Variants in CDKL5 observed in about 807,000 individuals in gnomAD.
CDKL5 encodes cyclin dependent kinase like 5, also known as cyclin-dependent kinase-like 5.
CDKL5 carries 8 observed loss-of-function variants against 61.7 expected under a neutral mutation model. That is an observed-to-expected ratio of 0.13 (90% CI 0.08 to 0.23). CDKL5 has a LOEUF of 0.23. Ranked by LOEUF, CDKL5 falls within the 10% of genes least tolerant of loss-of-function variation. The probability of loss-of-function intolerance (pLI) is 1.00; values close to 1 mark genes in which losing one functional copy is unlikely to be tolerated. For missense variants in CDKL5, 440 were observed against 734.5 expected (o/e 0.60, Z 4.63); for synonymous variants, 275 against 272.3 (o/e 1.01, Z -0.10).
chrX:18,570,237 A>T (rs1169546557), intron 4 of CDKL5, among the ~76,000 whole-genome samples: 2 of 112,009 alleles, frequency 1.8e-5, no homozygotes, highest in Non-Finnish European at 1.9e-5. Context: ...AAATAATTTG[A>T]TTAACTGAGC....
chrX:18,481,828 T>C (rs754137174), intron 1 of CDKL5, among the ~76,000 whole-genome samples: 7 of 110,983 alleles, frequency 6.3e-5, no homozygotes, highest in Non-Finnish European at 1.3e-4. Context: ...GGTGCTGCCC[T>C]ATAAATGAGG....
Position 18,497,777 on chromosome X carries a change from G to C in CDKL5, c.-162-9158G>C, listed in dbSNP as rs776564395. On this transcript the variant is annotated intron_variant, in intron 1 of 17. Coordinates refer to ENST00000623535, the MANE Select transcript of CDKL5 (RefSeq NM_001323289.2). The stretch of plus-strand genomic sequence containing the variant: ...CCCCTCCTGTGTTGTGTTGTGTTGT[G>C]TTGTCTTGTCTAGCCTTTCCCTTTC... 3.9e-3 allele frequency among the ~76,000 whole-genome samples: 431 copies of C among 110,213 alleles called. 2 individuals are homozygous for C. Among genetic ancestry groups the C allele is most frequent in the African/African-American group, 0.014 (417 of 30,283 alleles).
chrX:18,443,135 C>A (rs1404616456), intron 1 of CDKL5, among the ~76,000 whole-genome samples: 1 of 111,797 alleles, frequency 8.9e-6, no homozygotes, highest in African/African-American at 3.3e-5. Context: ...TCCATTTCTT[C>A]CTTCTTGGTT....
intron 1 of CDKL5, among the ~76,000 whole-genome samples, chrX:18,472,909 CTT>C (rs1921150945): frequency 9.3e-6 from 1 of 107,646 alleles, no homozygotes; most frequent in Admixed American, 1.0e-4. Flanking sequence ...TCATTTGCCT[CTT>C]TCCCATTTAA....
chrX:18,562,982 A>T, intron 3 of CDKL5, among the ~76,000 whole-genome samples: 1 of 112,330 alleles, frequency 8.9e-6, no homozygotes, highest in East Asian at 2.8e-4. Context: ...ATATCAGTGG[A>T]CAGTTTTGAA....
At chrX:18,503,023 T>C (rs1188782160) in intron 1 of CDKL5, among the ~76,000 whole-genome samples, 1 of 112,255 alleles carries the variant, frequency 8.9e-6, no homozygotes, top group Non-Finnish European at 1.9e-5. Context: ...ATGGAAAGAA[T>C]TGATACCTTT....
At chrX:18,444,202 A>G (rs1161930072) in intron 1 of CDKL5, among the ~76,000 whole-genome samples, 1 of 109,467 alleles carries the variant, frequency 9.1e-6, no homozygotes, top group Non-Finnish European at 1.9e-5. Flanking sequence ...CTTAGCCATT[A>G]TCTTTTAAAA....
intron 3 of CDKL5, among the ~76,000 whole-genome samples, chrX:18,518,385 C>CTTTTTTTTTTTTTTTTTTTTTTTT (rs1195931109): frequency 4.4e-5 from 1 of 22,794 alleles, no homozygotes; most frequent in African/African-American, 1.5e-4. Context: ...CTTTTCTTTT[C>CTTTTTTTTTTTTTTTTTTTTTTTT]TTATTTTTTT....
rs779692126 is a variant in CDKL5 at position 18,599,570 on chromosome X, C to T, written c.977+957C>T. Among the ~76,000 whole-genome samples the T allele has an allele frequency of 4.5e-5, 5 of 111,689 alleles. No individual in the cohort carries two copies. In the East Asian group the frequency reaches 8.4e-4, roughly 19 times the overall value. On this transcript the variant is annotated intron_variant, in intron 11 of 17. Coordinates refer to ENST00000623535, the MANE Select transcript of CDKL5 (RefSeq NM_001323289.2). ...CCAGGCTCAAGCCTCCCTCCCACCT[C>T]ATCCTCCTGAGTAGCTGGGACTATA...
intron 3 of CDKL5, among the ~76,000 whole-genome samples, chrX:18,557,454 G>A (rs1397108160): frequency 9.0e-6 from 1 of 111,256 alleles, no homozygotes; most frequent in Non-Finnish European, 1.9e-5. Flanking sequence ...TGGAACCAGT[G>A]GCCCCCTCTA....
intron 1 of CDKL5, among the ~76,000 whole-genome samples, chrX:18,440,628 C>A (rs1258398840): frequency 8.9e-6 from 1 of 112,087 alleles, no homozygotes; most frequent in Non-Finnish European, 1.9e-5. Flanking sequence ...CATGTGCCAC[C>A]ACACCTAGGT....
chrX:18,648,752 G>C (rs1052111979), intron 20 of CDKL5, among the ~76,000 whole-genome samples: 1 of 111,782 alleles, frequency 8.9e-6, no homozygotes, highest in Non-Finnish European at 1.9e-5. Flanking sequence ...ACATCTGATA[G>C]TTGGTGTGAC....
At chrX:18,560,581 T>C (rs999319374) in intron 3 of CDKL5, among the ~76,000 whole-genome samples, 1 of 112,054 alleles carries the variant, frequency 8.9e-6, no homozygotes, top group Admixed American at 9.5e-5. Context: ...TAGGTGCTGA[T>C]GATGCAATTG....
intron 1 of CDKL5, among the ~76,000 whole-genome samples, chrX:18,435,032 G>A (rs770292133): frequency 1.8e-5 from 2 of 112,149 alleles, no homozygotes; most frequent in Admixed American, 9.5e-5. Context: ...TCATGAGGAA[G>A]ATATGACAGA....
chrX:18,577,254 G>T (rs1215585971), intron 5 of CDKL5, among the ~76,000 whole-genome samples: 1 of 110,938 alleles, frequency 9.0e-6, no homozygotes, highest in Non-Finnish European at 1.9e-5. Flanking sequence ...ACTGGGAGAG[G>T]CAATTTTGTG....
chrX:18,494,972 A>G (rs1204878909), intron 1 of CDKL5, among the ~76,000 whole-genome samples: 1 of 112,132 alleles, frequency 8.9e-6, no homozygotes, highest in Non-Finnish European at 1.9e-5. Context: ...TGTATTCAGC[A>G]TGGAGAAGTC....
intron 3 of CDKL5, among the ~76,000 whole-genome samples, chrX:18,539,084 G>T (rs1482033177): frequency 9.0e-6 from 1 of 111,217 alleles, no homozygotes; most frequent in African/African-American, 3.3e-5. Context: ...TCCTTGTTTT[G>T]TTCCTGATAC....
intron 1 of CDKL5, among the ~76,000 whole-genome samples, chrX:18,481,370 T>TTCTTTC (rs1569192146): frequency 9.7e-5 from 9 of 92,984 alleles, no homozygotes; most frequent in African/African-American, 3.3e-4. Flanking sequence ...CTTTCTTTCT[T>TTCTTTC]TTGAGGCAGG....
At chrX:18,432,795 TGGGTTC>T (rs1169549663) in intron 1 of CDKL5, among the ~76,000 whole-genome samples, 1 of 110,687 alleles carries the variant, frequency 9.0e-6, no homozygotes, top group Non-Finnish European at 1.9e-5. Context: ...TTTGTAGAGA[TGGGTTC>T]TCACAGTTTT....
Sources: allele counts gnomAD v4.1 joint callset (sites outside exome capture counted in the v4.1 genomes callset), GRCh38; gene constraint gnomAD v4.1.1; transcripts MANE v1.5; gene names NCBI Gene and HGNC (gene_info 2026-07-23, HGNC 2026-07-21).